GNAI3: variants seen among roughly 807,000 people sequenced by gnomAD.
GNAI3 encodes G protein subunit alpha i3, also known as guanine nucleotide-binding protein G(i) subunit alpha-3.
In GNAI3, 12 loss-of-function variants were observed where a neutral mutation model predicts 41.8. The observed-to-expected ratio is 0.29, with a 90% CI of 0.18 to 0.47. The LOEUF is 0.47. Ranked by LOEUF, GNAI3 falls within the 20% of genes least tolerant of loss-of-function variation. GNAI3 has a pLI of 1.00. For synonymous variants in GNAI3, 132 were observed against 146.5 expected, an observed-to-expected ratio of 0.90 and a Z score of 0.71; for missense variants, 360 against 429.6, an observed-to-expected ratio of 0.84 and a Z score of 1.43.
chr1:109,576,688 T>G (rs1367994921), intron 3 of GNAI3, among the ~76,000 whole-genome samples: 1 of 151,872 alleles, frequency 6.6e-6, no homozygotes, highest in Non-Finnish European at 1.5e-5. Flanking sequence ...CCGCCTAATT[T>G]TTTTGTATTT....
chr1:109,575,376 A>G (rs191692203), intron 3 of GNAI3, among the ~76,000 whole-genome samples: 2 of 151,634 alleles, frequency 1.3e-5, no homozygotes, highest in East Asian at 3.9e-4. Flanking sequence ...GTATCTGGTA[A>G]CTGGTCAGTA....
chr1:109,564,809 GAAATTCTA>G (rs1648407554), intron 1 of GNAI3, among the ~76,000 whole-genome samples: 1 of 152,158 alleles, frequency 6.6e-6, no homozygotes, highest in African/African-American at 2.4e-5. Context: ...CAGATGTTCT[GAAATTCTA>G]ATATGTCAAT....
At chr1:109,581,477 C>T (rs1292750050) in intron 4 of GNAI3, among the ~76,000 whole-genome samples, 5 of 152,112 alleles carry the variant, frequency 3.3e-5, no homozygotes, top group Non-Finnish European at 7.4e-5. Context: ...TGATATTATA[C>T]AGTACACAGT....
chr1:109,567,162 G>A (rs976535912), intron 1 of GNAI3, among the ~76,000 whole-genome samples: 2 of 152,152 alleles, frequency 1.3e-5, no homozygotes, highest in African/African-American at 2.4e-5. Flanking sequence ...ATGGGGGCCC[G>A]TAGAAGAGAG....
Position 109,573,901 on chromosome 1 carries a change from T to C in GNAI3, c.167T>C (p.Ile56Thr), listed in dbSNP as rs1360442445. Residue 56 changes from isoleucine (I) to threonine (T), a missense_variant, in exon 3 of 9, where the codon ATT (isoleucine) becomes ACT (threonine). Physicochemically the swap from Ile to Thr is moderately conservative, Grantham distance 89 (BLOSUM62 -1). Transcript: ENST00000369851. Reference sequence around the variant, plus strand: ...TGGTTTTCTTTGTTTTAAAGAATCATTCATGAGGATGGCTATTCAGAGGAT... The same window carrying C: ...TGGTTTTCTTTGTTTTAAAGAATCACTCATGAGGATGGCTATTCAGAGGAT... ...KSTIVKQMKI[I>T]HEDGYSEDEC... 1 of 1,611,112 alleles carries C rather than the reference T, an allele frequency of 6.2e-7. No individual in the cohort carries two copies. The highest frequency in any genetic ancestry group is 8.5e-7 in the Non-Finnish European group (1 of 1,177,884).
At chr1:109,588,813 A>G (rs1275354105) in intron 7 of GNAI3, among the ~76,000 whole-genome samples, 4 of 152,042 alleles carry the variant, frequency 2.6e-5, no homozygotes, top group Non-Finnish European at 2.9e-5. Flanking sequence ...GAATCGCTTG[A>G]ACCCGGGAGG....
chr1:109,586,409 A>G, intron 6 of GNAI3, 64 bp downstream of exon 6: 1 of 1,475,616 alleles, frequency 6.8e-7, no homozygotes, highest in Non-Finnish European at 9.3e-7. Context: ...ATAACTTATT[A>G]GGAAGATTAT....
At chr1:109,584,025 A>G (rs1038887241) in intron 5 of GNAI3, among the ~76,000 whole-genome samples, 2 of 152,116 alleles carry the variant, frequency 1.3e-5, no homozygotes, top group East Asian at 3.9e-4. Context: ...TTCCCCTTCA[A>G]TATACCATGT....
intron 1 of GNAI3, among the ~76,000 whole-genome samples, chr1:109,553,436 ACT>A: frequency 6.6e-6 from 1 of 152,224 alleles, no homozygotes; most frequent in East Asian, 1.9e-4. Flanking sequence ...ATTTACTTAA[ACT>A]CTATATTATA....
chr1:109,557,618 C>T (rs1027885900), intron 1 of GNAI3, among the ~76,000 whole-genome samples: 1 of 152,120 alleles, frequency 6.6e-6, no homozygotes, highest in East Asian at 1.9e-4. Flanking sequence ...CCCACCCTCT[C>T]CCCTATTTCT....
intron 1 of GNAI3, among the ~76,000 whole-genome samples, chr1:109,555,963 CGTGTGT>C (rs71069692): frequency 0.061 from 8,804 of 144,452 alleles, 841 homozygotes; most frequent in African/African-American, 0.2. Flanking sequence ...TGCGTGCGTG[CGTGTGT>C]GTGTGTGTGT....
intron 5 of GNAI3, among the ~76,000 whole-genome samples, chr1:109,585,592 A>G (rs1383959673): frequency 6.6e-6 from 1 of 152,118 alleles, no homozygotes; most frequent in Non-Finnish European, 1.5e-5. Flanking sequence ...GCAGAGTGCA[A>G]ATAGGGCATT....
chr1:109,592,083 C>T lies in GNAI3; in HGVS notation c.915C>T (p.Cys305=). The T allele has an allele frequency of 6.2e-7, 1 of 1,612,152 alleles. No individual in the cohort carries two copies. Among genetic ancestry groups the T allele is most frequent in the Non-Finnish European group, 8.5e-7 (1 of 1,178,434 alleles). ...TYEEAAAYIQ[C]QFEDLNRRKD... is the part of the protein sequence containing the mutation. Reference sequence around the variant, plus strand: ...AAGAGGCAGCTGCCTATATTCAATGCCAGTTTGAAGATCTGAACAGAAGAA... The same window carrying T: ...AAGAGGCAGCTGCCTATATTCAATGTCAGTTTGAAGATCTGAACAGAAGAA... The change falls in exon 8 of 9, where the codon TGC becomes TGT. Residue 305 remains cysteine (C), a synonymous_variant. Coordinates refer to ENST00000369851, the MANE Select transcript of GNAI3 (RefSeq NM_006496.4).
chr1:109,589,516 C>A (rs1649117216), intron 7 of GNAI3, among the ~76,000 whole-genome samples: 1 of 151,824 alleles, frequency 6.6e-6, no homozygotes, highest in Non-Finnish European at 1.5e-5. Flanking sequence ...GGGCTAAGAT[C>A]CTATAAGCAA....
In GNAI3 at chr1:109,592,075, A is replaced by G. The variant is rs778253859; in HGVS notation, c.907A>G (p.Ile303Val). The change falls in exon 8 of 9, where the codon ATT becomes GTT. Residue 303 changes from isoleucine (I) to valine (V), a missense_variant. By Grantham distance (29) the Ile-to-Val change is conservative. Transcript: ENST00000369851. ...TACATATGAAGAGGCAGCTGCCTAT[A>G]TTCAATGCCAGTTTGAAGATCTGAA... ...SNTYEEAAAY[I>V]QCQFEDLNRR... The G allele has an allele frequency of 6.8e-6, 11 of 1,612,926 alleles. No individual in the cohort carries two copies. The highest frequency in any genetic ancestry group is 3.3e-4 in the Middle Eastern group (2 of 6,052).
chr1:109,579,116 A>G (rs1254414738), intron 3 of GNAI3, 88 bp from the exon 4 acceptor site: 2 of 1,050,736 alleles, frequency 1.9e-6, no homozygotes, highest in South Asian at 1.6e-5. Flanking sequence ...TTAACATAAC[A>G]TGTAATGTGT....
chr1:109,593,589 T>C lies in GNAI3; in HGVS notation c.*1267T>C, dbSNP rs1649223189. 1.3e-5 allele frequency: 2 copies of C among 152,686 alleles called. No homozygotes were observed. The highest frequency in any genetic ancestry group is 4.1e-4 in the South Asian group (2 of 4,830). 9.5% of individuals were successfully genotyped at this position (152,686 alleles called of 1,614,324 possible). A position where few individuals can be genotyped will look rare whatever the true frequency, so the allele number is the denominator to read the frequency against. On this transcript the variant is annotated 3_prime_UTR_variant, in exon 9 of 9. Transcript: ENST00000369851. ...TTCCTTTTGCCTTTGCAGAATGTGC[T>C]TTAGCCTTTGTCTGAGAATGGGTTT...
chr1:109,549,802 G>A (rs1443187067), intron 1 of GNAI3, among the ~76,000 whole-genome samples: 1 of 152,182 alleles, frequency 6.6e-6, no homozygotes, highest in Non-Finnish European at 1.5e-5. Context: ...TACTGTTTAT[G>A]TTATTTGATA....
Position 109,574,003 on chromosome 1 carries a change from G to T in GNAI3, c.269G>T (p.Arg90Leu). 1 of 1,611,734 alleles carries T rather than the reference G, an allele frequency of 6.2e-7. No homozygotes were observed. Among genetic ancestry groups the T allele is most frequent in the South Asian group, 1.1e-5 (1 of 90,746 alleles). Residue 90 changes from arginine (R) to leucine (L), a missense_variant, in exon 3 of 9, where the codon CGG (arginine) becomes CTG (leucine). By Grantham distance (102) the Arg-to-Leu change is moderately radical (BLOSUM62 -2). Coordinates refer to ENST00000369851, the MANE Select transcript of GNAI3 (RefSeq NM_006496.4). ...ATTGCAATCATAAGAGCCATGGGAC[G>T]GCTAAAGATTGACTTTGGGGAAGCT... The part of the protein sequence containing the change: ...SIIAIIRAMG[R>L]LKIDFGEAAR...
Sources: allele counts gnomAD v4.1 joint callset (sites outside exome capture counted in the v4.1 genomes callset), GRCh38; gene constraint gnomAD v4.1.1; transcripts MANE v1.5; gene names NCBI Gene and HGNC (gene_info 2026-07-23, HGNC 2026-07-21).